TANGO2: variants seen among roughly 807,000 people sequenced by gnomAD.
TANGO2 encodes the protein transport and golgi organization 2 homolog, also known as transport and Golgi organization protein 2 homolog.
Under a neutral mutation model 39.1 loss-of-function variants are expected in TANGO2, and 26 were observed. That is an observed-to-expected ratio of 0.67 (90% CI 0.49 to 0.92). The LOEUF (loss-of-function observed/expected upper bound fraction) is 0.92, where lower values mean the gene tolerates loss of function less well. Among genes scored for constraint, TANGO2 ranks in the 40% least tolerant of loss-of-function variants. TANGO2 has a pLI of 0.00. For missense variants in TANGO2, 326 were observed against 360.1 expected, an observed-to-expected ratio of 0.91 and a Z score of 0.77; for synonymous variants, 131 against 144.5, an observed-to-expected ratio of 0.91 and a Z score of 0.67.
intron 3 of TANGO2, among the ~76,000 whole-genome samples, chr22:20,050,179 C>T (rs1287348209): frequency 6.6e-6 from 1 of 152,000 alleles, no homozygotes; most frequent in Non-Finnish European, 1.5e-5. Context: ...CCACTGCACT[C>T]CAGCCTAGGC....
At position 20,036,786 on chromosome 22, in the gene TANGO2, G is replaced by A. The variant is rs373955886; in HGVS notation, c.-13G>A. 39 of 1,614,092 alleles carry A rather than the reference G, an allele frequency of 2.4e-5. No individual in the cohort carries two copies. Among genetic ancestry groups the A allele is most frequent in the African/African-American group, 9.3e-5 (7 of 74,930 alleles). On this transcript the variant is annotated 5_prime_UTR_variant, in exon 2 of 9. Coordinates refer to ENST00000327374, the MANE Select transcript of TANGO2 (RefSeq NM_152906.7). ...CCTCGCGACCTGTGTCAGCAGAGCC[G>A]CCCTGCACCACCATGTGCATCATCT... is the stretch of plus-strand genomic sequence containing the variant.
intron 7 of TANGO2, 114 bp downstream of exon 7, chr22:20,061,797 G>GCTTCC: frequency 3.0e-6 from 4 of 1,336,790 alleles, no homozygotes; most frequent in Non-Finnish European, 4.0e-6. Context: ...TGGGTCCCCA[G>GCTTCC]CTGCAGGGAA....
In TANGO2 at chr22:20,064,898, AGGTATACCATGAACATGT is replaced by A. The variant is rs1287301145; in HGVS notation, c.*239_*256del. On this transcript the variant is annotated 3_prime_UTR_variant, in exon 9 of 9. Coordinates refer to ENST00000327374, the MANE Select transcript of TANGO2 (RefSeq NM_152906.7). ...CTGATACTAGGTCTAGGACCGGCCG[AGGTATACCATGAACATGT>A]GGATACACCTGAGCCCACTCTTGCA... 1.7e-5 allele frequency: 9 copies of A among 522,248 alleles called. No homozygotes were observed. Among genetic ancestry groups the A allele is most frequent in the Admixed American group, 1.0e-4 (3 of 28,702 alleles). The allele number at this position is 522,248 out of a possible 1,614,324, so 32.4% of individuals were successfully genotyped here.
At chr22:20,031,425 G>T (rs1360541021) in intron 1 of TANGO2, among the ~76,000 whole-genome samples, 2 of 152,174 alleles carry the variant, frequency 1.3e-5, no homozygotes, top group African/African-American at 2.4e-5. Flanking sequence ...ATGCCACGTT[G>T]CCCTGCTGCG....
At chr22:20,046,649 T>G (rs1426477867) in intron 3 of TANGO2, among the ~76,000 whole-genome samples, 3 of 151,922 alleles carry the variant, frequency 2.0e-5, no homozygotes, top group African/African-American at 7.3e-5. Context: ...ATTTTTGTAT[T>G]TTTTTATTAT....
intron 1 of TANGO2, among the ~76,000 whole-genome samples, chr22:20,032,528 T>A (rs1225263026): frequency 6.6e-6 from 1 of 152,258 alleles, no homozygotes; most frequent in Non-Finnish European, 1.5e-5. Context: ...TCTGGCCGCC[T>A]GGGCCTCAGG....
chr22:20,043,464 A>G (rs757161841), intron 3 of TANGO2, 21 bp downstream of exon 3: 1 of 1,573,414 alleles, frequency 6.4e-7, no homozygotes, highest in African/African-American at 1.3e-5. Flanking sequence ...CTGCGTGCTC[A>G]GCGGTGGCTG....
At chr22:20,056,093 C>T (rs755145633) in intron 6 of TANGO2, 80 bp downstream of exon 6, 48 of 1,133,324 alleles carry the variant, frequency 4.2e-5, no homozygotes, top group Middle Eastern at 1.9e-4. Flanking sequence ...AGAGACCAGG[C>T]ACTTGTCATA....
Position 20,041,635 on chromosome 22 carries a change from A to T in TANGO2, c.57-1720A>T, listed in dbSNP as rs561663280. On this transcript the variant is annotated intron_variant, in intron 2 of 8. Transcript: ENST00000327374. ...CCTAATTTTTGTATTTTTAATAGAG[A>T]TGGGGTTTCACCATCTTGGCCAGGC... is the stretch of plus-strand genomic sequence containing the variant. Among the ~76,000 whole-genome samples, 11 of 151,944 alleles carry T rather than the reference A, an allele frequency of 7.2e-5. No individual in the cohort carries two copies. In the East Asian group the frequency reaches 1.9e-3, roughly 27 times the overall value.
chr22:20,050,681 A>G (rs1322975277), intron 3 of TANGO2, among the ~76,000 whole-genome samples: 5 of 144,820 alleles, frequency 3.5e-5, no homozygotes, highest in Non-Finnish European at 7.5e-5. Flanking sequence ...TTTTTTAATC[A>G]CACTAAGGAT....
intron 4 of TANGO2, 51 bp from the exon 5 acceptor site, chr22:20,053,386 G>T: frequency 7.5e-7 from 1 of 1,333,594 alleles, no homozygotes; most frequent in East Asian, 2.3e-5. Context: ...GTTCCTGGGA[G>T]AAGAGCACAT....
At position 20,025,341 on chromosome 22, in the gene TANGO2, C is replaced by T. The variant is rs189209957; in HGVS notation, c.-40+4095C>T. On this transcript the variant is annotated intron_variant, in intron 1 of 8. Coordinates refer to ENST00000327374, the MANE Select transcript of TANGO2 (RefSeq NM_152906.7). ...CTCCTGACCTCAGGTGATCCACCCA[C>T]CTCGGCCTCCCAAAGTGTTGGGATT... Among the ~76,000 whole-genome samples the T allele has an allele frequency of 6.1e-3, 923 of 152,024 alleles. 14 individuals carry two copies. Among genetic ancestry groups the T allele is most frequent in the South Asian group, 0.056 (270 of 4,812 alleles).
rs565368929 is a variant in TANGO2, at chr22:20,022,083, G to C, written c.-40+837G>C. Reference sequence around the variant, plus strand: ...AGGCAGATGTGACGGCAGCTATAAGGGGGTAGCTGAGTAGCTCTTTGGAAG... The same window carrying C: ...AGGCAGATGTGACGGCAGCTATAAGCGGGTAGCTGAGTAGCTCTTTGGAAG... On this transcript the variant is annotated intron_variant, in intron 1 of 8. Transcript: ENST00000327374. Among the ~76,000 whole-genome samples, 5 of 152,378 alleles carry C rather than the reference G, an allele frequency of 3.3e-5. No homozygotes were observed. The South Asian group carries it at 8.3e-4, about 25-fold the overall frequency.
chr22:20,032,119 T>C (rs1477036606), intron 1 of TANGO2, among the ~76,000 whole-genome samples: 3 of 152,238 alleles, frequency 2.0e-5, no homozygotes, highest in African/African-American at 7.2e-5. Flanking sequence ...TGTGGTGCCC[T>C]GGCCCAGCCT....
rs747899497 is a variant in TANGO2 at position 20,052,482 on chromosome 22, G to A, written c.163G>A (p.Gly55Ser). The A allele has an allele frequency of 1.9e-6, 3 of 1,605,178 alleles. No individual in the cohort carries two copies. Among genetic ancestry groups the A allele is most frequent in the Non-Finnish European group, 2.6e-6 (3 of 1,176,040 alleles). Residue 55 changes from glycine to serine, a missense_variant, in exon 4 of 9, where the codon GGC becomes AGC. Gly to Ser is a moderately conservative substitution (Grantham distance 56). Coordinates refer to ENST00000327374, the MANE Select transcript of TANGO2 (RefSeq NM_152906.7). ...TGCCACAGGGCTGGACATGGAGGAA[G>A]GCAAGGAAGGAGGCACATGGCTGGG... The part of the protein sequence containing the change: ...EILSGLDMEE[G>S]KEGGTWLGIS...
chr22:20,055,972 A>G lies in TANGO2; in HGVS notation c.410A>G (p.Tyr137Cys), dbSNP rs1164435523. ...GCAAAGGGAGACGTCATTTGCTACTATGGGAACCGAGGGGAGCCTGATCCT... is the reference window on the plus strand; with the variant it reads ...GCAAAGGGAGACGTCATTTGCTACTGTGGGAACCGAGGGGAGCCTGATCCT... ...STAKGDVICY[Y>C]GNRGEPDPIV... The change falls in exon 6 of 9, where the codon TAT becomes TGT. Residue 137 changes from tyrosine to cysteine, a missense_variant. Physicochemically the swap from Tyr to Cys is radical, Grantham distance 194. Transcript: ENST00000327374. The G allele has an allele frequency of 5.6e-6, 9 of 1,614,074 alleles. No homozygotes were observed. The highest frequency in any genetic ancestry group is 1.6e-4 in the Middle Eastern group (1 of 6,062).
intron 5 of TANGO2, chr22:20,055,217 A>G (rs371169607): frequency 4.6e-5 from 7 of 152,476 alleles, no homozygotes; most frequent in African/African-American, 1.7e-4. Flanking sequence ...CAAGTTCTAG[A>G]AGACTTACTG....
intron 6 of TANGO2, among the ~76,000 whole-genome samples, chr22:20,060,348 C>CAAAA (rs1180539682): frequency 7.4e-5 from 6 of 80,650 alleles, no homozygotes; most frequent in African/African-American, 2.1e-4. Context: ...GACTCCGTCT[C>CAAAA]AAAAAAAAAA....
At chr22:20,021,509 C>G (rs796566432) in intron 1 of TANGO2, among the ~76,000 whole-genome samples, 10 of 152,310 alleles carry the variant, frequency 6.6e-5, no homozygotes, top group African/African-American at 2.4e-4. Flanking sequence ...GTGGGCTGCT[C>G]GGCCTTGGCC....
Sources: gnomAD v4.1 joint callset for allele counts (sites outside exome capture counted in the v4.1 genomes callset) on GRCh38, gnomAD v4.1.1 for gene constraint, MANE v1.5 for transcripts, NCBI Gene and HGNC (gene_info 2026-07-23, HGNC 2026-07-21) for gene names.